Variants in CACNA1C observed in about 807,000 individuals in gnomAD.
The protein encoded by CACNA1C is calcium voltage-gated channel subunit alpha1 C.
A neutral mutation model predicts 229.0 loss-of-function variants in CACNA1C; 30 were observed. That is an observed-to-expected ratio of 0.13 (90% CI 0.10 to 0.18). CACNA1C has a LOEUF of 0.18. Among genes scored for constraint, CACNA1C ranks in the 10% least tolerant of loss-of-function variants. The pLI is 1.00. For missense variants in CACNA1C, 1,658 were observed against 2,845.0 expected, an observed-to-expected ratio of 0.58 and a Z score of 9.49; for synonymous variants, 1,114 against 1,132.5, an observed-to-expected ratio of 0.98 and a Z score of 0.33.
intron 9 of CACNA1C, among the ~76,000 whole-genome samples, chr12:2,535,984 G>A (rs2099854085): frequency 6.6e-6 from 1 of 152,346 alleles, no homozygotes; most frequent in African/African-American, 2.4e-5. Flanking sequence ...TCACATAAAT[G>A]TCATCAATGG....
intron 3 of CACNA1C, among the ~76,000 whole-genome samples, chr12:2,381,385 G>A (rs1594765703): frequency 1.3e-5 from 2 of 152,278 alleles, no homozygotes; most frequent in East Asian, 1.9e-4. Context: ...CAAACCTAAC[G>A]TGTGTTGTCA....
intron 3 of CACNA1C, among the ~76,000 whole-genome samples, chr12:2,312,342 G>GT (rs1359755155): frequency 1.3e-5 from 2 of 152,168 alleles, no homozygotes; most frequent in African/African-American, 4.8e-5. Flanking sequence ...GCGTGCGGGT[G>GT]TGCACATGCG....
chr12:2,378,779 G>GTCCTTCCTTCCTTCCTTCCTTCCT (rs146245294), intron 3 of CACNA1C, among the ~76,000 whole-genome samples: 4 of 144,024 alleles, frequency 2.8e-5, no homozygotes, highest in African/African-American at 1.1e-4. Context: ...GTTTATTTGG[G>GTCCTTCCTTCCTTCCTTCCTTCCT]TCCTTCCTTC....
At chr12:2,259,228 A>G (rs930852324) in intron 3 of CACNA1C, among the ~76,000 whole-genome samples, 3 of 152,138 alleles carry the variant, frequency 2.0e-5, no homozygotes, top group African/African-American at 7.2e-5. Flanking sequence ...GAAGCTCCCC[A>G]CACCCCGCCC....
chr12:2,434,582 G>A (rs562105388), intron 3 of CACNA1C, among the ~76,000 whole-genome samples: 78 of 152,318 alleles, frequency 5.1e-4, no homozygotes, highest in African/African-American at 1.7e-3. Context: ...CTGCATGCAC[G>A]AAGGGGAGTG....
In CACNA1C at chr12:2,212,451, G is replaced by C. The variant is rs766838967; in HGVS notation, c.477+92021G>C. Among the ~76,000 whole-genome samples the C allele has an allele frequency of 1.3e-4, 20 of 152,196 alleles. 1 individual carries two copies. Among genetic ancestry groups the C allele is most frequent in the Admixed American group, 5.9e-4 (9 of 15,276 alleles). The stretch of plus-strand genomic sequence containing the variant: ...GGAAATCTTACGGTTGCTTATAAAG[G>C]AAATCATTGCCCCAAAATTCTGGAT... On this transcript the variant is annotated intron_variant, in intron 3 of 46. Transcript: ENST00000399655.
At chr12:2,272,259 C>T (rs2085388175) in intron 3 of CACNA1C, among the ~76,000 whole-genome samples, 1 of 152,168 alleles carries the variant, frequency 6.6e-6, no homozygotes, top group African/African-American at 2.4e-5. Flanking sequence ...TACTTGTTTT[C>T]ACCTCTGCCT....
chr12:2,010,289 G>A (rs1472347377), intron 1 of CACNA1C, among the ~76,000 whole-genome samples: 1 of 152,116 alleles, frequency 6.6e-6, no homozygotes, highest in Non-Finnish European at 1.5e-5. Flanking sequence ...GTTCTGCAGG[G>A]TTATACAAAA....
At chr12:2,199,559 T>TC (rs368156029) in intron 3 of CACNA1C, among the ~76,000 whole-genome samples, 270 of 152,294 alleles carry the variant, frequency 1.8e-3, no homozygotes, top group African/African-American at 6.3e-3. Flanking sequence ...AGCCTTCTGG[T>TC]CAATAGTAGG....
At chr12:2,297,686 C>T (rs998330989) in intron 3 of CACNA1C, among the ~76,000 whole-genome samples, 12 of 152,190 alleles carry the variant, frequency 7.9e-5, no homozygotes, top group African/African-American at 2.4e-4. Context: ...CTAGGGTCCT[C>T]TTTTATGCTT....
At chr12:2,168,069 A>G (rs1349888273) in intron 3 of CACNA1C, among the ~76,000 whole-genome samples, 1 of 151,908 alleles carries the variant, frequency 6.6e-6, no homozygotes, top group East Asian at 1.9e-4. Flanking sequence ...TGTGGGGGGG[A>G]GTGTTTGTGT....
rs2094751904 is a variant in CACNA1C, at chr12:2,649,841, T to C, written c.3945+1334T>C. ...CACGGTGGAACTGACAGCTGAGTTA[T>C]AAAATCCTAAGCCTCCTCTGCATAC... is the stretch of plus-strand genomic sequence containing the variant. On this transcript the variant is annotated intron_variant, in intron 31 of 46. Transcript: ENST00000399655. This position sits in a 1 kb window ranked among gnomAD's most constrained non-coding sequence, Gnocchi z 4.4. Among the ~76,000 whole-genome samples, 1 of 152,078 alleles carries C rather than the reference T, an allele frequency of 6.6e-6. No homozygotes were observed. The highest frequency in any genetic ancestry group is 2.4e-5 in the African/African-American group (1 of 41,386).
intron 29 of CACNA1C, chr12:2,614,972 A>G (rs1292432661): frequency 1.6e-5 from 2 of 125,014 alleles, no homozygotes; most frequent in Non-Finnish European, 3.3e-5. Flanking sequence ...TACTCTGTTC[A>G]AAAAAAAAAA....
At chr12:2,635,251 T>C (rs1314078762) in intron 30 of CACNA1C, among the ~76,000 whole-genome samples, 1 of 152,094 alleles carries the variant, frequency 6.6e-6, no homozygotes, top group Admixed American at 6.5e-5. Context: ...GCCACCTCCT[T>C]CTCCCAAGAG....
At chr12:2,085,082 A>G (rs2067082806) in intron 1 of CACNA1C, among the ~76,000 whole-genome samples, 1 of 152,240 alleles carries the variant, frequency 6.6e-6, no homozygotes, top group African/African-American at 2.4e-5. Flanking sequence ...GCCTTGGGTC[A>G]CATCAGTAGA....
chr12:2,027,561 C>G (rs1326547060), intron 1 of CACNA1C, among the ~76,000 whole-genome samples: 1 of 152,168 alleles, frequency 6.6e-6, no homozygotes, highest in Non-Finnish European at 1.5e-5. Context: ...ATTGTATAAC[C>G]TCTTCCAAGC....
chr12:2,493,470 C>T lies in CACNA1C; in HGVS notation c.1113+84C>T, dbSNP rs1305813388. The T allele has an allele frequency of 3.8e-6, 4 of 1,056,718 alleles. No homozygotes were observed. The African/African-American group carries it at 6.2e-5, about 16-fold the overall frequency. The allele number at this position is 1,056,718 out of a possible 1,614,324, so 65.5% of individuals were successfully genotyped here. ...TGACACCTCCCTTTCTCCTCCTCCC[C>T]ATGGTCTTGGGGTCACATACGCATC... is the stretch of plus-strand genomic sequence containing the variant. On this transcript the variant is annotated intron_variant, in intron 7 of 46. Coordinates refer to ENST00000399655, the MANE Select transcript of CACNA1C (RefSeq NM_000719.7). This position sits in a 1 kb window ranked among gnomAD's most constrained non-coding sequence, Gnocchi z 4.6.
Position 2,512,029 on chromosome 12 carries a change from T to C in CACNA1C, c.1218-783T>C, listed in dbSNP as rs547762080. 3.2e-4 allele frequency among the ~76,000 whole-genome samples: 48 copies of C among 152,324 alleles called. 1 individual carries two copies. Among genetic ancestry groups the C allele is most frequent in the African/African-American group, 1.1e-3 (45 of 41,576 alleles). On this transcript the variant is annotated intron_variant, in intron 8 of 46. Coordinates refer to ENST00000399655, the MANE Select transcript of CACNA1C (RefSeq NM_000719.7). This position sits in a 1 kb window ranked among gnomAD's most constrained non-coding sequence, Gnocchi z 4.3. ...TGTTTGGAATCTTCATTTGTCTTCA[T>C]GTGGGAGAGAACCTTCTCTAGATTA...
chr12:2,550,080 TG>T, intron 10 of CACNA1C, 47 bp downstream of exon 10: 1 of 1,286,182 alleles, frequency 7.8e-7, no homozygotes. Flanking sequence ...TTCTGGAGCA[TG>T]GGTGGAAAAG....
Sources: allele counts gnomAD v4.1 joint callset (sites outside exome capture counted in the v4.1 genomes callset), GRCh38; gene constraint gnomAD v4.1.1; non-coding constraint Gnocchi (gnomAD v3.1); transcripts MANE v1.5; gene names NCBI Gene and HGNC (gene_info 2026-07-23, HGNC 2026-07-21).